Variants in TYW1 observed in about 807,000 individuals in gnomAD.
The protein encoded by TYW1 is S-adenosyl-L-methionine-dependent tRNA 4-demethylwyosine synthase TYW1.
A neutral mutation model predicts 96.2 loss-of-function variants in TYW1; 46 were observed. The observed-to-expected ratio is 0.48, with a 90% CI of 0.38 to 0.61. TYW1 has a LOEUF of 0.61. Among genes scored for constraint, TYW1 ranks in the 20% least tolerant of loss-of-function variants. TYW1 has a pLI of 0.00. For missense variants in TYW1, 684 were observed against 909.6 expected (o/e 0.75, Z 3.19); for synonymous variants, 274 against 323.0 (o/e 0.85, Z 1.63).
intron 13 of TYW1, among the ~76,000 whole-genome samples, chr7:67,119,653 TAA>T (rs1797701700): frequency 6.6e-6 from 1 of 152,214 alleles, no homozygotes; most frequent in African/African-American, 2.4e-5. Flanking sequence ...TTTCCCTTCC[TAA>T]GTTTTATATC....
intron 6 of TYW1, among the ~76,000 whole-genome samples, chr7:67,020,671 T>C (rs149753389): frequency 5.6e-4 from 86 of 152,404 alleles, no homozygotes; most frequent in Non-Finnish European, 9.4e-4. Context: ...AATTTCTCCA[T>C]TGTCATCCTA....
chr7:67,043,837 A>G (rs999994812), intron 7 of TYW1, among the ~76,000 whole-genome samples: 2 of 152,182 alleles, frequency 1.3e-5, no homozygotes, highest in Non-Finnish European at 2.9e-5. Flanking sequence ...CTTTTCCACC[A>G]GTTCAAAAGG....
At position 67,233,516 on chromosome 7, in the gene TYW1, T is replaced by G. The variant is rs535075261; in HGVS notation, c.1978-4792T>G. Among the ~76,000 whole-genome samples, 33 of 134,140 alleles carry G rather than the reference T, an allele frequency of 2.5e-4. 1 individual carries two copies. The East Asian group carries it at 6.2e-3, about 25-fold the overall frequency. The allele number at this position is 134,140 out of a possible 152,430, so 88.0% of individuals were successfully genotyped here. A position where few individuals can be genotyped will look rare whatever the true frequency, so the allele number is the denominator to read the frequency against. On this transcript the variant is annotated intron_variant, in intron 15 of 15. Coordinates refer to ENST00000359626, the MANE Select transcript of TYW1 (RefSeq NM_018264.4). ...AAGTCAGGCTGTATCTTATTGCACT[T>G]GTGTGTTTTTAAGATCATTTATGAC...
chr7:67,064,748 A>G (rs1244570427), intron 9 of TYW1, among the ~76,000 whole-genome samples: 1 of 152,214 alleles, frequency 6.6e-6, no homozygotes, highest in Non-Finnish European at 1.5e-5. Context: ...GATAAATTCA[A>G]GTTGACATTT....
In TYW1 at chr7:67,205,274, G is replaced by A. The variant is rs370087935; in HGVS notation, c.1977+9937G>A. On this transcript the variant is annotated intron_variant, in intron 15 of 15. Coordinates refer to ENST00000359626, the MANE Select transcript of TYW1 (RefSeq NM_018264.4). The stretch of plus-strand genomic sequence containing the variant: ...AGGGTGCCTTGTTACTGCCAAGTAG[G>A]GGCAGAAGTTCTGGCTCCCGTCAGC... Among the ~76,000 whole-genome samples the A allele has an allele frequency of 2.9e-4, 44 of 152,030 alleles. 1 individual carries two copies. The highest frequency in any genetic ancestry group is 1.5e-3 in the South Asian group (7 of 4,818).
intron 6 of TYW1, among the ~76,000 whole-genome samples, chr7:67,018,745 C>T (rs906251207): frequency 6.6e-6 from 1 of 151,680 alleles, no homozygotes; most frequent in Admixed American, 6.6e-5. Flanking sequence ...CACTTGAAGT[C>T]GGGAGTTCGA....
intron 13 of TYW1, among the ~76,000 whole-genome samples, chr7:67,142,158 C>T (rs1798470463): frequency 6.6e-6 from 1 of 151,260 alleles, no homozygotes; most frequent in African/African-American, 2.4e-5. Context: ...TGCAGTGGCA[C>T]AATCATGGTT....
At chr7:67,013,420 G>T (rs1793886409) in intron 4 of TYW1, among the ~76,000 whole-genome samples, 1 of 152,136 alleles carries the variant, frequency 6.6e-6, no homozygotes, top group Non-Finnish European at 1.5e-5. Flanking sequence ...ACTGGGCCCA[G>T]CCAACATCCA....
intron 15 of TYW1, among the ~76,000 whole-genome samples, chr7:67,216,677 A>C (rs1225533096): frequency 1.5e-5 from 2 of 136,016 alleles, no homozygotes; most frequent in Non-Finnish European, 3.2e-5. Flanking sequence ...ATTTTACTCT[A>C]CCTCTTTTTT....
At chr7:67,151,066 T>TTC (rs1798784190) in intron 13 of TYW1, among the ~76,000 whole-genome samples, 1 of 151,816 alleles carries the variant, frequency 6.6e-6, no homozygotes, top group African/African-American at 2.4e-5. Context: ...TTTTTTTTTT[T>TTC]TGGAGACAGA....
intron 12 of TYW1, among the ~76,000 whole-genome samples, chr7:67,116,806 A>G (rs1243852729): frequency 6.6e-5 from 10 of 152,208 alleles, no homozygotes; most frequent in Admixed American, 6.5e-4. Context: ...AGTGGTATTC[A>G]TGGAAACTGA....
chr7:67,178,393 A>G (rs1799742669), intron 13 of TYW1, among the ~76,000 whole-genome samples: 1 of 152,242 alleles, frequency 6.6e-6, no homozygotes, highest in Admixed American at 6.5e-5. Flanking sequence ...TGAATCTTGC[A>G]AACATCGAAT....
intron 13 of TYW1, among the ~76,000 whole-genome samples, chr7:67,181,492 AT>A (rs1799840963): frequency 1.3e-5 from 2 of 152,064 alleles, no homozygotes; most frequent in South Asian, 4.1e-4. Flanking sequence ...CTTATTAACG[AT>A]CTCTTAGTTT....
chr7:67,075,003 T>G (rs1017202911), intron 10 of TYW1, among the ~76,000 whole-genome samples: 4 of 152,182 alleles, frequency 2.6e-5, no homozygotes, highest in African/African-American at 9.7e-5. Flanking sequence ...TTTTGTATTT[T>G]TAATAACTGG....
Position 66,996,843 on chromosome 7 carries a change from C to G in TYW1, c.-136C>G, listed in dbSNP as rs1186520266. On this transcript the variant is annotated 5_prime_UTR_variant, in exon 1 of 16. Coordinates refer to ENST00000359626, the MANE Select transcript of TYW1 (RefSeq NM_018264.4). ...CCAATCAGGACCGGCCTGGCAGTGTCATGGCTGCCCACAGGTCTGCAGGCA... is the reference window on the plus strand; with the variant it reads ...CCAATCAGGACCGGCCTGGCAGTGTGATGGCTGCCCACAGGTCTGCAGGCA... 11 of 1,509,472 alleles carry G rather than the reference C, an allele frequency of 7.3e-6. No homozygotes were observed. The highest frequency in any genetic ancestry group is 2.0e-5 in the Admixed American group (1 of 50,318). 93.5% of individuals were successfully genotyped at this position (1,509,472 alleles called of 1,614,324 possible).
intron 13 of TYW1, among the ~76,000 whole-genome samples, chr7:67,127,817 A>G (rs1171252332): frequency 6.6e-6 from 1 of 152,116 alleles, no homozygotes; most frequent in Non-Finnish European, 1.5e-5. Flanking sequence ...GGACATTTTC[A>G]TAGGGTGCAG....
Position 67,077,713 on chromosome 7 carries a change from G to T in TYW1, c.1275-5717G>T, listed in dbSNP as rs893638702. 3.2e-4 allele frequency among the ~76,000 whole-genome samples: 49 copies of T among 152,140 alleles called. 1 individual carries two copies. ...AGGTTGTCTCTTTACCCTGTTGATT[G>T]TTTCCTTTGCAGTGCAGCAGCTTTT... On this transcript the variant is annotated intron_variant, in intron 10 of 15. Coordinates refer to ENST00000359626, the MANE Select transcript of TYW1 (RefSeq NM_018264.4).
chr7:67,035,174 A>G (rs1295214349), intron 7 of TYW1, among the ~76,000 whole-genome samples: 2 of 147,110 alleles, frequency 1.4e-5, no homozygotes, highest in Non-Finnish European at 3.0e-5. Flanking sequence ...GCTGGAGTGT[A>G]GTAGTGTGAT....
chr7:67,084,255 T>G (rs1796473181), intron 11 of TYW1, among the ~76,000 whole-genome samples: 1 of 141,336 alleles, frequency 7.1e-6, no homozygotes, highest in Admixed American at 6.9e-5. Context: ...AATGAATTCC[T>G]TATTTAAAAA....
Sources: allele counts gnomAD v4.1 joint callset (sites outside exome capture counted in the v4.1 genomes callset), GRCh38; gene constraint gnomAD v4.1.1; transcripts MANE v1.5; gene names NCBI Gene and HGNC (gene_info 2026-07-23, HGNC 2026-07-21).